The following KLRG1 variants were observed in gnomAD, a reference collection of about 807,000 sequenced individuals.
KLRG1 encodes killer cell lectin-like receptor subfamily G member 1.
In KLRG1, 16 loss-of-function variants were observed where a neutral mutation model predicts 21.8. The ratio of observed to expected loss-of-function variants is 0.73; its 90% CI spans 0.50 to 1.11. The LOEUF is 1.11. Among genes scored for constraint, KLRG1 ranks in the 50% most tolerant of loss-of-function variants. KLRG1 has a pLI of 0.00. For synonymous variants in KLRG1, 69 were observed against 75.9 expected, an observed-to-expected ratio of 0.91 and a Z score of 0.47; for missense variants, 173 against 218.3, an observed-to-expected ratio of 0.79 and a Z score of 1.31.
chr12:9,084,114 GA>G, the KLRG1 span, among the ~76,000 whole-genome samples: 1 of 152,034 alleles, frequency 6.6e-6, no homozygotes, highest in Non-Finnish European at 1.5e-5. Context: ...AGAAATGAGG[GA>G]GAAATAAAAC....
At chr12:9,079,906 T>A in the KLRG1 span, 2 of 1,276,254 alleles carry the variant, frequency 1.6e-6, no homozygotes, top group Non-Finnish European at 2.1e-6. Context: ...AGCTTAGAAA[T>A]TGAGAATTTT....
chr12:8,993,777 T>C (rs1254375711), intron 2 of KLRG1, among the ~76,000 whole-genome samples: 1 of 152,170 alleles, frequency 6.6e-6, no homozygotes, highest in Non-Finnish European at 1.5e-5. Flanking sequence ...CTTATATTGG[T>C]TGTATGCCAG....
At position 8,992,605 on chromosome 12, in the gene KLRG1, G is replaced by A. The variant is rs1947006495; in HGVS notation, c.187+295G>A. 1.3e-5 allele frequency among the ~76,000 whole-genome samples: 2 copies of A among 152,110 alleles called. 1 individual carries two copies. The highest frequency in any genetic ancestry group is 4.2e-4 in the South Asian group (2 of 4,818). The stretch of plus-strand genomic sequence containing the variant: ...CACTGTACAGTCACAGCTCACTGCA[G>A]CCTTGACCTCCTTAGGCTCAAGTGA... On this transcript the variant is annotated intron_variant, in intron 2 of 4. Coordinates refer to ENST00000356986, the MANE Select transcript of KLRG1 (RefSeq NM_005810.4).
the KLRG1 span, chr12:9,067,853 A>G: frequency 6.2e-7 from 1 of 1,611,256 alleles, no homozygotes; most frequent in Non-Finnish European, 8.5e-7. Flanking sequence ...TGACATTGGA[A>G]AGAAAAAAAA....
chr12:9,010,361 A>G lies in KLRG1; in HGVS notation c.*824A>G, dbSNP rs1947608442. On this transcript the variant is annotated 3_prime_UTR_variant, in exon 5 of 5. Transcript: ENST00000356986. ...GTTGAATGAACCAATGTGTGATTGT[A>G]TCTTTTCCATTATGTGACTGTTTGA... is the stretch of plus-strand genomic sequence containing the variant. The G allele has an allele frequency of 9.9e-6, 2 of 202,528 alleles. No individual in the cohort carries two copies. The highest frequency in any genetic ancestry group is 4.6e-5 in the African/African-American group (2 of 43,202). 12.5% of individuals were successfully genotyped at this position (202,528 alleles called of 1,614,324 possible). A position where few individuals can be genotyped will look rare whatever the true frequency, so the allele number is the denominator to read the frequency against.
the KLRG1 span, among the ~76,000 whole-genome samples, chr12:9,201,851 G>A: frequency 6.6e-6 from 1 of 151,960 alleles, no homozygotes; most frequent in African/African-American, 2.4e-5. Context: ...TTGAAGGTAA[G>A]TTGAAAAAAG....
intron 1 of KLRG1, among the ~76,000 whole-genome samples, chr12:8,951,004 T>C (rs761192444): frequency 6.6e-6 from 1 of 151,860 alleles, no homozygotes; most frequent in South Asian, 2.1e-4. Flanking sequence ...GGCTAGGTAG[T>C]AATCATATCT....
At chr12:9,192,429 A>T in the KLRG1 span, 1 of 1,362,784 alleles carries the variant, frequency 7.3e-7, no homozygotes, top group East Asian at 2.3e-5. Context: ...GTGTGCAAGT[A>T]GTTTATTTTG....
At chr12:9,202,400 A>G in the KLRG1 span, 6 of 1,614,126 alleles carry the variant, frequency 3.7e-6, no homozygotes, top group Non-Finnish European at 5.1e-6. Context: ...GATAAGATTC[A>G]GACATGATAA....
the KLRG1 span, chr12:9,181,897 GTT>G: frequency 6.7e-7 from 1 of 1,486,722 alleles, no homozygotes. Context: ...TCTGGACTTA[GTT>G]TTCTCTGGGG....
the KLRG1 span, chr12:9,164,278 CAG>C: frequency 2.3e-5 from 37 of 1,609,966 alleles, no homozygotes; most frequent in Non-Finnish European, 3.0e-5. Context: ...CCATGTGAGG[CAG>C]AGACAGAAAT....
the KLRG1 span, chr12:9,069,102 T>G: frequency 3.5e-6 from 1 of 283,262 alleles, no homozygotes; most frequent in Non-Finnish European, 6.5e-6. Context: ...ATATATACTT[T>G]TTATTGGATG....
the KLRG1 span, among the ~76,000 whole-genome samples, chr12:9,024,737 C>T: frequency 6.6e-6 from 1 of 152,214 alleles, no homozygotes; most frequent in Admixed American, 6.5e-5. Context: ...ATGATGACTT[C>T]ACCCCTGGTT....
the KLRG1 span, among the ~76,000 whole-genome samples, chr12:9,141,733 A>G: frequency 2.6e-5 from 4 of 152,142 alleles, no homozygotes; most frequent in African/African-American, 7.2e-5. Flanking sequence ...TGTTTTTTCA[A>G]TAGTCTTAAA....
chr12:9,145,433 A>G, the KLRG1 span, among the ~76,000 whole-genome samples: 5 of 152,200 alleles, frequency 3.3e-5, no homozygotes, highest in Non-Finnish European at 7.3e-5. Context: ...GTTTAATCAC[A>G]TACAAAAACT....
chr12:9,155,579 A>G, the KLRG1 span, among the ~76,000 whole-genome samples: 40 of 152,250 alleles, frequency 2.6e-4, no homozygotes, highest in East Asian at 7.7e-3. Flanking sequence ...TGTTCTTTCT[A>G]GTAGTGGTCT....
the KLRG1 span, among the ~76,000 whole-genome samples, chr12:9,189,631 A>G: frequency 6.6e-6 from 1 of 152,238 alleles, no homozygotes; most frequent in Non-Finnish European, 1.5e-5. Context: ...AAATGCAAAC[A>G]TTGACAAATG....
chr12:9,112,289 C>T, the KLRG1 span: 7 of 1,605,830 alleles, frequency 4.4e-6, no homozygotes, highest in Admixed American at 1.0e-4. Context: ...ATTAAGGAAC[C>T]AAGATTATAG....
chr12:9,142,719 G>A, the KLRG1 span, among the ~76,000 whole-genome samples: 1 of 152,180 alleles, frequency 6.6e-6, no homozygotes, highest in Non-Finnish European at 1.5e-5. Context: ...TGGCCTTTGG[G>A]TGAGGCCCTT....
Sources: allele counts gnomAD v4.1 joint callset (sites outside exome capture counted in the v4.1 genomes callset), GRCh38; gene constraint gnomAD v4.1.1; transcripts MANE v1.5; gene names NCBI Gene and HGNC (gene_info 2026-07-23, HGNC 2026-07-21).